The following CEP164 variants were observed in gnomAD, a reference collection of about 807,000 sequenced individuals.
CEP164 encodes centrosomal protein 164.
Under a neutral mutation model 182.7 loss-of-function variants are expected in CEP164, and 162 were observed. The ratio of observed to expected loss-of-function variants is 0.89; its 90% confidence interval spans 0.78 to 1.01. CEP164 has a LOEUF of 1.01. CEP164 is among the 50% of genes least tolerant of loss of function. The pLI is 0.00. For missense variants in CEP164, 1,735 were observed against 1,790.4 expected (o/e 0.97, Z 0.56); for synonymous variants, 661 against 690.0 (o/e 0.96, Z 0.66).
At position 117,411,043 on chromosome 11, in the gene CEP164, G is replaced by A. The variant is rs796607579; in HGVS notation, c.4163+149G>A. The stretch of plus-strand genomic sequence containing the variant: ...GCCTCTAGTCCACAGAGCTGTCCCC[G>A]CTTGCCTGGGTCTGAGGCGCCCCTC... On this transcript the variant is annotated intron_variant, in intron 31 of 32. Transcript: ENST00000278935. This position sits in a 1 kb window ranked among gnomAD's most constrained non-coding sequence, Gnocchi z 4.4. 18 of 687,826 alleles carry A rather than the reference G, an allele frequency of 2.6e-5. No individual in the cohort carries two copies. Among genetic ancestry groups the A allele is most frequent in the Admixed American group, 6.9e-5 (3 of 43,346 alleles). 42.6% of individuals were successfully genotyped at this position (687,826 alleles called of 1,614,324 possible). A position where few individuals can be genotyped will look rare whatever the true frequency, so the allele number is the denominator to read the frequency against.
rs76410889 is a variant in CEP164, at chr11:117,365,522, A to G, written c.765+2016A>G. On this transcript the variant is annotated intron_variant, in intron 8 of 32. Transcript: ENST00000278935. The stretch of plus-strand genomic sequence containing the variant: ...CTTGTTAACATTTACTTCATAATGG[A>G]TTGTAAATGTCAACAAAAAAGGCTT... Among the ~76,000 whole-genome samples the G allele has an allele frequency of 9.0e-3, 1,363 of 152,224 alleles. 24 individuals are homozygous for G. The highest frequency in any genetic ancestry group is 0.031 in the African/African-American group (1,270 of 41,516).
At chr11:117,327,640 T>C (rs562844237), upstream of CEP164, among the ~76,000 whole-genome samples, 80 of 151,974 alleles carry the variant, frequency 5.3e-4, no homozygotes, top group Middle Eastern at 3.4e-3. Flanking sequence ...ATTCCCATTA[T>C]CTATCTTAAA....
rs1054450810 is a variant in CEP164, at chr11:117,353,168, C to A, written c.393+1180C>A. 3.5e-4 allele frequency among the ~76,000 whole-genome samples: 54 copies of A among 152,138 alleles called. 1 individual carries two copies. The highest frequency in any genetic ancestry group is 1.3e-3 in the African/African-American group (54 of 41,436). On this transcript the variant is annotated intron_variant, in intron 5 of 32. Coordinates refer to ENST00000278935, the MANE Select transcript of CEP164 (RefSeq NM_014956.5). ...AGCCAGTGGGGAGCACTGGGAACAT[C>A]GTTTCAACCCTCTTCAGTTGTCCAG...
intron 3 of CEP164, among the ~76,000 whole-genome samples, chr11:117,338,950 T>C (rs2037639325): frequency 6.6e-6 from 1 of 151,968 alleles, no homozygotes; most frequent in Admixed American, 6.6e-5. Context: ...CCCGAGAAGC[T>C]GGGATTACAG....
intron 3 of CEP164, 55 bp downstream of exon 3, chr11:117,338,723 G>C: frequency 2.3e-6 from 3 of 1,326,100 alleles, no homozygotes; most frequent in Non-Finnish European, 3.3e-6. Flanking sequence ...TTGAGGACAG[G>C]GATTGTCTGG....
chr11:117,363,181 G>T (rs1359096685), intron 7 of CEP164, among the ~76,000 whole-genome samples: 1 of 152,160 alleles, frequency 6.6e-6, no homozygotes, highest in Non-Finnish European at 1.5e-5. Flanking sequence ...ATGTCTTCTA[G>T]ATCTGATCCA....
intron 2 of CEP164, among the ~76,000 whole-genome samples, chr11:117,335,885 G>A (rs1479015760): frequency 6.6e-6 from 1 of 151,898 alleles, no homozygotes; most frequent in Non-Finnish European, 1.5e-5. Flanking sequence ...AGTATTATAA[G>A]CAGAAGTAAA....
At chr11:117,375,089 A>C (rs2042597506) in intron 10 of CEP164, among the ~76,000 whole-genome samples, 1 of 152,208 alleles carries the variant, frequency 6.6e-6, no homozygotes, top group East Asian at 1.9e-4. Flanking sequence ...CCTGTATGGA[A>C]AGGGGATGGA....
chr11:117,354,766 T>TTTTA (rs147463962), intron 5 of CEP164, among the ~76,000 whole-genome samples: 4,040 of 149,220 alleles, frequency 0.027, 133 homozygotes, highest in African/African-American at 0.086. Flanking sequence ...TTGCTATTGA[T>TTTTA]TTTATTTATT....
At position 117,395,654 on chromosome 11, in the gene CEP164, C is replaced by T; in HGVS notation, c.3021C>T (p.Arg1007=). The T allele has an allele frequency of 6.2e-7, 1 of 1,613,744 alleles. No individual in the cohort carries two copies. The highest frequency in any genetic ancestry group is 8.5e-7 in the Non-Finnish European group (1 of 1,180,016). ...LREILDELQA[R]KLKLESQVDL... The stretch of plus-strand genomic sequence containing the variant: ...AAATTCTTGATGAGCTGCAGGCCCG[C>T]AAGCTGAAGCTGGAGTCCCAAGTGG... The change falls in exon 24 of 33, where the codon CGC becomes CGT. Residue 1007 remains arginine (R), a synonymous_variant. Transcript: ENST00000278935.
chr11:117,381,990 G>A (rs2043368715), intron 13 of CEP164, 122 bp downstream of exon 13: 1 of 799,322 alleles, frequency 1.3e-6, no homozygotes, highest in African/African-American at 1.8e-5. Flanking sequence ...GGAGTGGGGA[G>A]CTGGGGCGGG....
intron 5 of CEP164, among the ~76,000 whole-genome samples, chr11:117,354,295 G>A (rs919907895): frequency 1.3e-5 from 2 of 152,110 alleles, no homozygotes; most frequent in African/African-American, 4.8e-5. Flanking sequence ...TGGGATTACA[G>A]GTGTGAGCCA....
chr11:117,338,752 G>T, intron 3 of CEP164, 84 bp downstream of exon 3: 2 of 1,089,644 alleles, frequency 1.8e-6, no homozygotes, highest in South Asian at 2.5e-5. Flanking sequence ...TATTCTTTCA[G>T]TGCAAAGTAT....
chr11:117,323,802 G>C (rs1393734898), upstream of CEP164: 2 of 357,128 alleles, frequency 5.6e-6, no homozygotes, highest in African/African-American at 4.3e-5. Context: ...GGAATAAGGT[G>C]GTATCTCATT....
chr11:117,396,955 GCACT>G, intron 26 of CEP164, 132 bp from the exon 27 acceptor site: 1 of 761,956 alleles, frequency 1.3e-6, no homozygotes, highest in Non-Finnish European at 2.1e-6. Flanking sequence ...TGGCATCCCT[GCACT>G]CACAGTGCCC....
upstream of CEP164, among the ~76,000 whole-genome samples, chr11:117,325,931 A>C (rs1224907626): frequency 7.9e-6 from 1 of 126,638 alleles, no homozygotes. Flanking sequence ...TTTTTTTGAG[A>C]CGGAGTGTCG....
chr11:117,336,038 C>G (rs1291297828), intron 2 of CEP164, among the ~76,000 whole-genome samples: 1 of 152,054 alleles, frequency 6.6e-6, no homozygotes, highest in Non-Finnish European at 1.5e-5. Flanking sequence ...AATCCTCTTC[C>G]CATTTTCCCT....
At chr11:117,373,730 T>C in intron 9 of CEP164, 21 bp from the exon 10 acceptor site, 1 of 1,609,650 alleles carries the variant, frequency 6.2e-7, no homozygotes, top group Non-Finnish European at 8.5e-7. Context: ...GAGGGATTTC[T>C]CTGTGGGTCT....
At chr11:117,354,643 G>T (rs996167093) in intron 5 of CEP164, among the ~76,000 whole-genome samples, 1 of 152,032 alleles carries the variant, frequency 6.6e-6, no homozygotes, top group African/African-American at 2.4e-5. Context: ...GGAAACTGGA[G>T]CCTAGAAAAC....
Sources: allele counts gnomAD v4.1 joint callset (sites outside exome capture counted in the v4.1 genomes callset), GRCh38; gene constraint gnomAD v4.1.1; non-coding constraint Gnocchi (gnomAD v3.1); transcripts MANE v1.5; gene names NCBI Gene and HGNC (gene_info 2026-07-23, HGNC 2026-07-21).